Variants in TRPM3 observed in about 807,000 individuals in gnomAD.
TRPM3 encodes the protein long transient receptor potential channel 3.
In TRPM3, 77 loss-of-function variants were observed where a neutral mutation model predicts 181.2. The ratio of observed to expected loss-of-function variants is 0.42; its 90% CI spans 0.35 to 0.51. The LOEUF (loss-of-function observed/expected upper bound fraction) is 0.51. Ranked by LOEUF, TRPM3 falls within the 20% of genes least tolerant of loss-of-function variation. TRPM3 has a pLI of 0.01. For missense variants in TRPM3, 1,759 were observed against 2,196.7 expected (o/e 0.80, Z 3.98); for synonymous variants, 745 against 796.4 (o/e 0.94, Z 1.09).
rs753219294 is a variant in TRPM3 at position 70,672,489 on chromosome 9, T to A, written c.1345+9017A>T. On this transcript the variant is annotated intron_variant, in intron 9 of 25. Coordinates refer to ENST00000677713, the MANE Select transcript of TRPM3 (RefSeq NM_001366145.2). ...AATTCAGTTTATCTTTAAACTTTGG[T>A]CATGTGAACTTACAAATCTGTTTTA... 8.4e-4 allele frequency among the ~76,000 whole-genome samples: 128 copies of A among 152,210 alleles called. 1 individual carries two copies. The highest frequency in any genetic ancestry group is 1.9e-4 in the Non-Finnish European group (13 of 68,040).
intron 1 of TRPM3, among the ~76,000 whole-genome samples, chr9:71,040,130 T>C (rs1435797946): frequency 6.6e-6 from 1 of 152,192 alleles, no homozygotes; most frequent in Non-Finnish European, 1.5e-5. Flanking sequence ...CTTTACTGGT[T>C]CCAAATCTGT....
At chr9:71,244,804 C>T (rs147184537) in intron 1 of TRPM3, among the ~76,000 whole-genome samples, 4 of 152,122 alleles carry the variant, frequency 2.6e-5, no homozygotes, top group African/African-American at 9.6e-5. Flanking sequence ...GCAAATAAAC[C>T]ACAGGCTACA....
chr9:71,300,547 A>T (rs921364338), intron 1 of TRPM3, among the ~76,000 whole-genome samples: 1 of 152,084 alleles, frequency 6.6e-6, no homozygotes, highest in African/African-American at 2.4e-5. Flanking sequence ...AACTCAAAAC[A>T]ATGTCATGAA....
intron 1 of TRPM3, among the ~76,000 whole-genome samples, chr9:70,978,719 A>G (rs559663603): frequency 8.3e-4 from 127 of 152,332 alleles, no homozygotes; most frequent in Non-Finnish European, 1.6e-3. Flanking sequence ...TAAAACACCA[A>G]TGTATGAAAT....
chr9:71,145,700 A>C (rs77352237), intron 1 of TRPM3, among the ~76,000 whole-genome samples: 3 of 151,796 alleles, frequency 2.0e-5, no homozygotes, highest in African/African-American at 7.2e-5. Context: ...AATGATTGAG[A>C]AAAAAAAATT....
At chr9:71,031,274 A>G (rs541031171) in intron 1 of TRPM3, among the ~76,000 whole-genome samples, 1 of 152,342 alleles carries the variant, frequency 6.6e-6, no homozygotes, top group African/African-American at 2.4e-5. Context: ...AGCAAGACCA[A>G]CATGGTCTCT....
At chr9:71,187,496 C>A (rs1490370924) in intron 1 of TRPM3, among the ~76,000 whole-genome samples, 4 of 151,950 alleles carry the variant, frequency 2.6e-5, no homozygotes, top group Non-Finnish European at 5.9e-5. Context: ...CAGGCAGATA[C>A]CCTTTTTCCC....
intron 1 of TRPM3, among the ~76,000 whole-genome samples, chr9:71,332,119 T>C (rs534202429): frequency 6.6e-6 from 1 of 151,702 alleles, no homozygotes; most frequent in South Asian, 2.1e-4. Context: ...TCAACGTATC[T>C]ATCCACTACT....
intron 1 of TRPM3, among the ~76,000 whole-genome samples, chr9:71,271,664 T>C (rs2083802675): frequency 6.6e-6 from 1 of 150,710 alleles, no homozygotes; most frequent in African/African-American, 2.4e-5. Flanking sequence ...CCACAAAGGA[T>C]TCGCTGGGCC....
chr9:71,231,929 C>T (rs1205041566), intron 1 of TRPM3, among the ~76,000 whole-genome samples: 1 of 152,146 alleles, frequency 6.6e-6, no homozygotes, highest in South Asian at 2.1e-4. Context: ...GTCGAAAACA[C>T]ACACATTTCT....
chr9:70,828,638 T>G (rs1229550059), intron 5 of TRPM3, among the ~76,000 whole-genome samples: 2 of 152,036 alleles, frequency 1.3e-5, no homozygotes, highest in African/African-American at 4.8e-5. Flanking sequence ...ACCTTTTTTG[T>G]TATTTTAATT....
At chr9:71,039,593 C>A (rs2058598354) in intron 1 of TRPM3, among the ~76,000 whole-genome samples, 1 of 152,120 alleles carries the variant, frequency 6.6e-6, no homozygotes, top group African/African-American at 2.4e-5. Flanking sequence ...AGCCCTTGGG[C>A]CATCAACATG....
chr9:70,904,682 CTTAGT>C (rs2096436980), intron 1 of TRPM3, among the ~76,000 whole-genome samples: 1 of 152,138 alleles, frequency 6.6e-6, no homozygotes, highest in African/African-American at 2.4e-5. Context: ...GTTTGTTATA[CTTAGT>C]TTAAGAAGAC....
In TRPM3 at chr9:71,053,212, G is replaced by C. The variant is rs527765822; in HGVS notation, c.177+67966C>G. ...TAAATTTCAGTTTCCTGCTAAACAA[G>C]AATGTGGTTGAAGCCAGAACCAGCC... On this transcript the variant is annotated intron_variant, in intron 1 of 25. Coordinates refer to ENST00000677713, the MANE Select transcript of TRPM3 (RefSeq NM_001366145.2). Among the ~76,000 whole-genome samples, 7 of 148,670 alleles carry C rather than the reference G, an allele frequency of 4.7e-5. 1 individual carries two copies. In the South Asian group the frequency reaches 1.5e-3, roughly 32 times the overall value.
intron 22 of TRPM3, among the ~76,000 whole-genome samples, chr9:70,574,522 C>T (rs1469838348): frequency 6.6e-6 from 1 of 152,168 alleles, no homozygotes; most frequent in Non-Finnish European, 1.5e-5. Flanking sequence ...GTTTTCATAG[C>T]ACTCTGTATT....
At chr9:70,962,729 A>G (rs897864681) in intron 1 of TRPM3, among the ~76,000 whole-genome samples, 5 of 152,120 alleles carry the variant, frequency 3.3e-5, no homozygotes, top group Non-Finnish European at 7.4e-5. Context: ...TACTCTAATA[A>G]ATGTTATATG....
chr9:71,006,860 G>A (rs2097680692), intron 1 of TRPM3, among the ~76,000 whole-genome samples: 1 of 107,720 alleles, frequency 9.3e-6, no homozygotes, highest in Admixed American at 1.1e-4. Flanking sequence ...GACAGAGCGA[G>A]ACTCCGTCTC....
chr9:70,850,896 A>G (rs1039040923), intron 3 of TRPM3, among the ~76,000 whole-genome samples: 1 of 152,172 alleles, frequency 6.6e-6, no homozygotes, highest in Admixed American at 6.5e-5. Context: ...AAGAACCTCA[A>G]TTTAATGTGG....
intron 1 of TRPM3, among the ~76,000 whole-genome samples, chr9:71,157,707 A>G (rs1182291317): frequency 6.6e-6 from 1 of 152,186 alleles, no homozygotes; most frequent in Non-Finnish European, 1.5e-5. Flanking sequence ...TTACAGGGAA[A>G]CAAAAACTAT....
Sources: gnomAD v4.1 joint callset for allele counts (sites outside exome capture counted in the v4.1 genomes callset) on GRCh38, gnomAD v4.1.1 for gene constraint, MANE v1.5 for transcripts, NCBI Gene and HGNC (gene_info 2026-07-23, HGNC 2026-07-21) for gene names.